The following ACYP2 variants were observed in gnomAD, a reference collection of about 807,000 sequenced individuals.
ACYP2 encodes the protein acylphosphatase 2, also known as acylphosphatase-2.
Under a neutral mutation model 11.2 loss-of-function variants are expected in ACYP2, and 12 were observed. The ratio of observed to expected loss-of-function variants is 1.08; its 90% CI spans 0.69 to 1.74. The LOEUF is 1.74. Ranked by LOEUF, ACYP2 falls within the 40% of genes most tolerant of loss-of-function variation. The probability of loss-of-function intolerance (pLI) is 0.00; values close to 1 mark genes in which losing one functional copy is unlikely to be tolerated. For synonymous variants in ACYP2, 43 were observed against 32.2 expected (o/e 1.33, Z -1.13); for missense variants, 134 against 101.9 (o/e 1.31, Z -1.35).
chr2:54,240,608 G>A (rs747930825), intron 6 of ACYP2, among the ~76,000 whole-genome samples: 21 of 152,020 alleles, frequency 1.4e-4, no homozygotes, highest in East Asian at 3.9e-4. Context: ...TTGTCTTTGC[G>A]GCACTCCCTG....
chr2:54,129,634 T>C (rs1443817214), intron 4 of ACYP2, among the ~76,000 whole-genome samples: 1 of 149,892 alleles, frequency 6.7e-6, no homozygotes, highest in African/African-American at 2.4e-5. Context: ...TGGAGATATA[T>C]GTGAGCATTA....
At chr2:53,979,580 T>C (rs1671654061) in intron 2 of ACYP2, among the ~76,000 whole-genome samples, 1 of 151,444 alleles carries the variant, frequency 6.6e-6, no homozygotes, top group African/African-American at 2.4e-5. Flanking sequence ...TGAGCCGAGA[T>C]TGTGCCACTG....
chr2:54,190,880 C>G (rs11893929), intron 6 of ACYP2, among the ~76,000 whole-genome samples: 1 of 151,998 alleles, frequency 6.6e-6, no homozygotes. Context: ...ACCCAGTACT[C>G]CCTATATGAG....
chr2:54,058,663 G>T (rs1676292909), intron 4 of ACYP2, among the ~76,000 whole-genome samples: 1 of 150,338 alleles, frequency 6.7e-6, no homozygotes, highest in African/African-American at 2.4e-5. Flanking sequence ...TGGCAGTTAA[G>T]ACAGGTTTAC....
At chr2:54,250,080 A>G (rs189122957) in intron 6 of ACYP2, among the ~76,000 whole-genome samples, 1 of 152,054 alleles carries the variant, frequency 6.6e-6, no homozygotes, top group Admixed American at 6.6e-5. Flanking sequence ...TTTATGCTCT[A>G]GATTTTAGTT....
intron 2 of ACYP2, among the ~76,000 whole-genome samples, chr2:54,038,346 A>G (rs938962249): frequency 2.0e-5 from 3 of 150,310 alleles, no homozygotes; most frequent in Admixed American, 6.6e-5. Flanking sequence ...AACACTGCAT[A>G]CTCTTTGTTT....
At position 54,011,208 on chromosome 2, in the gene ACYP2, C is replaced by T. The variant is rs142888594; in HGVS notation, c.62+37398C>T. Among the ~76,000 whole-genome samples the T allele has an allele frequency of 2.3e-3, 357 of 152,240 alleles. 1 individual carries two copies. Among genetic ancestry groups the T allele is most frequent in the African/African-American group, 8.1e-3 (337 of 41,544 alleles). On this transcript the variant is annotated intron_variant, in intron 2 of 6. Transcript: ENST00000607452. ...TAAGAATACACAGGAAATAATATAACACTTTTATTCCCAGAATAAAAATAG... is the reference window on the plus strand; with the variant it reads ...TAAGAATACACAGGAAATAATATAATACTTTTATTCCCAGAATAAAAATAG...
In ACYP2 at chr2:54,098,562, G is replaced by T. The variant is rs776279317; in HGVS notation, c.278-36891G>T. Among the ~76,000 whole-genome samples, 56 of 152,194 alleles carry T rather than the reference G, an allele frequency of 3.7e-4. No individual in the cohort carries two copies. In the Middle Eastern group the frequency reaches 0.01, roughly 28 times the overall value. ...CTTCTTTGAACAGTTTCTGCTTTTA[G>T]TTCTTTTTGTGATTAGCTTGATATC... On this transcript the variant is annotated intron_variant, in intron 4 of 6. Coordinates refer to ENST00000607452, the MANE Select transcript of ACYP2 (RefSeq NM_001320586.2).
intron 4 of ACYP2, among the ~76,000 whole-genome samples, chr2:54,083,566 G>A (rs1415157708): frequency 6.6e-6 from 1 of 151,048 alleles, no homozygotes; most frequent in Non-Finnish European, 1.5e-5. Flanking sequence ...CAGGGTGATG[G>A]GAAAGGATAG....
chr2:54,247,748 T>C (rs1248011392), intron 6 of ACYP2, among the ~76,000 whole-genome samples: 1 of 152,250 alleles, frequency 6.6e-6, no homozygotes, highest in Non-Finnish European at 1.5e-5. Context: ...TTCATAATGT[T>C]CTACTGTGAA....
chr2:54,093,669 G>T (rs368941839), intron 4 of ACYP2, among the ~76,000 whole-genome samples: 114 of 152,354 alleles, frequency 7.5e-4, no homozygotes, highest in African/African-American at 2.4e-3. Flanking sequence ...GGCCGGGCGT[G>T]GTGGCTCACG....
At position 53,999,696 on chromosome 2, in the gene ACYP2, A is replaced by G. The variant is rs555828167; in HGVS notation, c.62+25886A>G. The stretch of plus-strand genomic sequence containing the variant: ...AATCTGAAAATTAATCCCCTGGTCT[A>G]TTTTCCATAACAATGATTTTCAGTA... On this transcript the variant is annotated intron_variant, in intron 2 of 6. Coordinates refer to ENST00000607452, the MANE Select transcript of ACYP2 (RefSeq NM_001320586.2). Among the ~76,000 whole-genome samples, 12 of 152,276 alleles carry G rather than the reference A, an allele frequency of 7.9e-5. No homozygotes were observed. The East Asian group carries it at 2.3e-3, about 29-fold the overall frequency.
intron 4 of ACYP2, among the ~76,000 whole-genome samples, chr2:54,113,655 G>A (rs1453953774): frequency 6.6e-6 from 1 of 152,162 alleles, no homozygotes; most frequent in African/African-American, 2.4e-5. Flanking sequence ...TAAATAACTA[G>A]GATAAAATCT....
At chr2:54,012,999 C>G (rs1193132598) in intron 2 of ACYP2, among the ~76,000 whole-genome samples, 3 of 152,122 alleles carry the variant, frequency 2.0e-5, no homozygotes, top group Non-Finnish European at 4.4e-5. Context: ...CCAAGATGCT[C>G]TTACCTCAAG....
chr2:54,162,092 A>G (rs1322732260), intron 6 of ACYP2, among the ~76,000 whole-genome samples: 1 of 151,586 alleles, frequency 6.6e-6, no homozygotes, highest in Non-Finnish European at 1.5e-5. Flanking sequence ...TTCAGGCCTC[A>G]GAGAGTCATT....
intron 4 of ACYP2, among the ~76,000 whole-genome samples, chr2:54,069,886 A>G (rs1022518220): frequency 5.9e-5 from 9 of 152,232 alleles, no homozygotes; most frequent in African/African-American, 2.2e-4. Flanking sequence ...GCAGATTTTA[A>G]TGAAAGAGAG....
intron 6 of ACYP2, chr2:54,255,423 G>GTCATT (rs1344591263): frequency 1.1e-5 from 18 of 1,613,950 alleles, no homozygotes; most frequent in Non-Finnish European, 1.5e-5. Context: ...TGCGAATGAT[G>GTCATT]TCATTCCTCT....
intron 2 of ACYP2, among the ~76,000 whole-genome samples, chr2:54,016,192 T>C (rs1431776151): frequency 2.6e-5 from 4 of 151,970 alleles, no homozygotes; most frequent in Admixed American, 6.6e-5. Flanking sequence ...TCCACATCTG[T>C]TTGGAGGCCA....
chr2:54,209,831 T>C (rs1176087491), intron 6 of ACYP2, among the ~76,000 whole-genome samples: 2 of 152,110 alleles, frequency 1.3e-5, no homozygotes, highest in African/African-American at 4.8e-5. Flanking sequence ...AAAACTTACT[T>C]TGCAATCAAT....
Sources: gnomAD v4.1 joint callset for allele counts (sites outside exome capture counted in the v4.1 genomes callset) on GRCh38, gnomAD v4.1.1 for gene constraint, MANE v1.5 for transcripts, NCBI Gene and HGNC (gene_info 2026-07-23, HGNC 2026-07-21) for gene names.